Variants in NCF2 observed in about 807,000 individuals in gnomAD.
NCF2 encodes the protein neutrophil cytosol factor 2.
In NCF2, 45 loss-of-function variants were observed where a neutral mutation model predicts 70.9. That is an observed-to-expected ratio of 0.63 (90% CI 0.50 to 0.81). The LOEUF is 0.81. Among genes scored for constraint, NCF2 ranks in the 40% least tolerant of loss-of-function variants. The pLI, the probability that NCF2 is intolerant of heterozygous loss-of-function variation, is 0.00. For synonymous variants in NCF2, 203 were observed against 233.6 expected, an observed-to-expected ratio of 0.87 and a Z score of 1.19; for missense variants, 522 against 631.6, an observed-to-expected ratio of 0.83 and a Z score of 1.86.
At position 183,555,729 on chromosome 1, in the gene NCF2, T is replaced by C; in HGVS notation, c.*389A>G. 4.6e-6 allele frequency: 1 copy of C among 219,424 alleles called. No individual in the cohort carries two copies. Among genetic ancestry groups the C allele is most frequent in the Non-Finnish European group, 9.2e-6 (1 of 108,476 alleles). The allele number at this position is 219,424 out of a possible 1,614,324, so 13.6% of individuals were successfully genotyped here. The stretch of plus-strand genomic sequence containing the variant: ...TTGTTTTTGTAAGATGCTAGGTTTT[T>C]TTTTATTGTGGTATGACACAGAAAA... On this transcript the variant is annotated 3_prime_UTR_variant, in exon 15 of 15. Transcript: ENST00000367535.
intron 5 of NCF2, among the ~76,000 whole-genome samples, chr1:183,571,470 G>T (rs1340171543): frequency 6.6e-6 from 1 of 152,070 alleles, no homozygotes; most frequent in South Asian, 2.1e-4. Context: ...CATTCACAAT[G>T]CTGTGCAACT....
chr1:183,583,878 A>G (rs761770492), intron 2 of NCF2, among the ~76,000 whole-genome samples: 1 of 151,840 alleles, frequency 6.6e-6, no homozygotes, highest in African/African-American at 2.4e-5. Context: ...CTTTTTTTAA[A>G]TTTTTTTTTA....
chr1:183,559,150 G>A (rs972782263), intron 14 of NCF2, among the ~76,000 whole-genome samples: 3 of 152,324 alleles, frequency 2.0e-5, no homozygotes, highest in African/African-American at 7.2e-5. Flanking sequence ...TCTCTGGAGG[G>A]TGGGCCCAGG....
rs567536183 is a variant in NCF2 at position 183,589,010 on chromosome 1, G to A, written c.174+1146C>T. 2.7e-4 allele frequency among the ~76,000 whole-genome samples: 41 copies of A among 152,228 alleles called. 1 individual carries two copies. Among genetic ancestry groups the A allele is most frequent in the Non-Finnish European group, 7.3e-5 (5 of 68,030 alleles). On this transcript the variant is annotated intron_variant, in intron 1 of 14. Transcript: ENST00000367535. ...TGCTGTTCACTCAGCCCCTCAGCAGGCCCCTGAGAGGAGGTGGGGCCATGT... is the reference window on the plus strand; with the variant it reads ...TGCTGTTCACTCAGCCCCTCAGCAGACCCCTGAGAGGAGGTGGGGCCATGT...
chr1:183,590,150 A>T lies in NCF2; in HGVS notation c.174+6T>A. 6.2e-7 allele frequency: 1 copy of T among 1,614,032 alleles called. No individual in the cohort carries two copies. The highest frequency in any genetic ancestry group is 8.5e-7 in the Non-Finnish European group (1 of 1,179,984). On this transcript the variant is annotated splice_donor_region_variant and intron_variant, in intron 1 of 14. Coordinates refer to ENST00000367535, the MANE Select transcript of NCF2 (RefSeq NM_000433.4). ...AGGAGGCCCGGAAAGAGGCACCTCCACTCACCTTCTCTGCTTCAGTCATGT... is the reference window on the plus strand; with the variant it reads ...AGGAGGCCCGGAAAGAGGCACCTCCTCTCACCTTCTCTGCTTCAGTCATGT...
At chr1:183,570,954 G>T in intron 5 of NCF2, 115 bp from the exon 6 acceptor site, 1 of 967,884 alleles carries the variant, frequency 1.0e-6, no homozygotes, top group Non-Finnish European at 1.6e-6. Flanking sequence ...TTTCAGACGT[G>T]GACAGTAACT....
rs564166078 is a variant in NCF2, at chr1:183,557,274, T to G, written c.1469-1044A>C. On this transcript the variant is annotated intron_variant, in intron 14 of 14. Transcript: ENST00000367535. ...TGTCTTTGTACATCTAGATCAGACATTAAGGCACTGGTGCCTGGATCCTGC... is the reference window on the plus strand; with the variant it reads ...TGTCTTTGTACATCTAGATCAGACAGTAAGGCACTGGTGCCTGGATCCTGC... Among the ~76,000 whole-genome samples the G allele has an allele frequency of 1.1e-4, 16 of 152,358 alleles. No homozygotes were observed. The East Asian group carries it at 3.1e-3, about 29-fold the overall frequency.
At chr1:183,575,803 T>C (rs1358099511) in intron 3 of NCF2, among the ~76,000 whole-genome samples, 1 of 152,164 alleles carries the variant, frequency 6.6e-6, no homozygotes, top group Non-Finnish European at 1.5e-5. Flanking sequence ...GACGTGAACT[T>C]GCCAAACTCA....
chr1:183,572,849 C>T (rs956889644), intron 5 of NCF2, among the ~76,000 whole-genome samples: 2 of 152,162 alleles, frequency 1.3e-5, no homozygotes, highest in East Asian at 3.9e-4. Flanking sequence ...CAGGCATGAG[C>T]TACCCTGCCT....
intron 3 of NCF2, 126 bp downstream of exon 3, chr1:183,577,473 G>T: frequency 1.3e-6 from 1 of 757,512 alleles, no homozygotes. Flanking sequence ...TGAGTCTCAA[G>T]GCAGAGGAGG....
intron 1 of NCF2, 90 bp downstream of exon 1, chr1:183,590,066 C>T (rs1028183453): frequency 2.5e-6 from 4 of 1,584,382 alleles, no homozygotes; most frequent in Non-Finnish European, 3.5e-6. Context: ...TTTCAATCTC[C>T]CCAGAGGTTA....
chr1:183,569,663 A>G (rs1267224106), intron 6 of NCF2, among the ~76,000 whole-genome samples: 3 of 152,186 alleles, frequency 2.0e-5, no homozygotes, highest in African/African-American at 4.8e-5. Context: ...ATCTTGGCTC[A>G]CTGCAACCTC....
chr1:183,587,112 AC>A (rs1160706500), intron 1 of NCF2, 135 bp from the exon 2 acceptor site: 1 of 826,924 alleles, frequency 1.2e-6, no homozygotes, highest in Non-Finnish European at 2.1e-6. Flanking sequence ...CTCGAGGCCC[AC>A]CCTGTGCTCT....
intron 8 of NCF2, 53 bp downstream of exon 8, chr1:183,567,151 A>C: frequency 6.2e-7 from 1 of 1,613,550 alleles, no homozygotes; most frequent in Non-Finnish European, 8.5e-7. Flanking sequence ...CAGAGACTGC[A>C]TTTGCTGCCA....
At chr1:183,597,447 A>G in the NCF2 span, among the ~76,000 whole-genome samples, 1 of 152,194 alleles carries the variant, frequency 6.6e-6, no homozygotes, top group Admixed American at 6.5e-5. Flanking sequence ...TCTACCCCCT[A>G]TTTAGCAGAA....
chr1:183,556,946 C>CTT (rs1671814918), intron 14 of NCF2, among the ~76,000 whole-genome samples: 1 of 152,300 alleles, frequency 6.6e-6, no homozygotes, highest in African/African-American at 2.4e-5. Flanking sequence ...CTTTAGTAAA[C>CTT]TTTCTTCTTT....
chr1:183,583,403 C>T (rs1673201836), intron 2 of NCF2, among the ~76,000 whole-genome samples: 1 of 152,132 alleles, frequency 6.6e-6, no homozygotes, highest in Non-Finnish European at 1.5e-5. Flanking sequence ...TTCTCTAGCC[C>T]CCATCCCGCT....
intron 6 of NCF2, among the ~76,000 whole-genome samples, chr1:183,570,536 C>T (rs1433513204): frequency 1.3e-5 from 2 of 152,208 alleles, no homozygotes; most frequent in Admixed American, 6.5e-5. Flanking sequence ...TGAAGACCGG[C>T]ATTTGTGGGG....
chr1:183,572,599 G>C (rs1037160938), intron 5 of NCF2, among the ~76,000 whole-genome samples: 1 of 151,968 alleles, frequency 6.6e-6, no homozygotes. Context: ...TAATCCAAGA[G>C]GATCCCATGC....
Sources: gnomAD v4.1 joint callset for allele counts (sites outside exome capture counted in the v4.1 genomes callset) on GRCh38, gnomAD v4.1.1 for gene constraint, MANE v1.5 for transcripts, NCBI Gene and HGNC (gene_info 2026-07-23, HGNC 2026-07-21) for gene names.